SPEG: variants seen among roughly 807,000 people sequenced by gnomAD.
SPEG encodes striated muscle preferentially expressed protein kinase.
In SPEG, 114 loss-of-function variants were observed where a neutral mutation model predicts 300.4. The observed-to-expected ratio is 0.38, with a 90% CI of 0.33 to 0.44. The LOEUF (loss-of-function observed/expected upper bound fraction) is 0.44, where lower values mean the gene tolerates loss of function less well. Ranked by LOEUF, SPEG falls within the 20% of genes least tolerant of loss-of-function variation. The pLI, the probability that SPEG is intolerant of heterozygous loss-of-function variation, is 1.00. For missense variants in SPEG, 4,201 were observed against 4,586.2 expected, an observed-to-expected ratio of 0.92 and a Z score of 2.43; for synonymous variants, 1,964 against 2,018.9, an observed-to-expected ratio of 0.97 and a Z score of 0.73.
Position 219,451,058 on chromosome 2 carries a change from G to A in SPEG, c.2114-78G>A, listed in dbSNP as rs2125304216. 2 of 1,421,650 alleles carry A rather than the reference G, an allele frequency of 1.4e-6. No homozygotes were observed. The highest frequency in any genetic ancestry group is 1.9e-6 in the Non-Finnish European group (2 of 1,076,228). The allele number at this position is 1,421,650 out of a possible 1,614,324, so 88.1% of individuals were successfully genotyped here. Reference sequence around the variant, plus strand: ...TCTGGGTTTGGCTTTCTAGGATGCAGGCCACCAGGACTCTCTCTCCCGCTG... The same window carrying A: ...TCTGGGTTTGGCTTTCTAGGATGCAAGCCACCAGGACTCTCTCTCCCGCTG... On this transcript the variant is annotated intron_variant, in intron 4 of 40. Transcript: ENST00000312358. The surrounding 1 kb of genome is among the most constrained non-coding windows in gnomAD (Gnocchi z 6.4).
In SPEG at chr2:219,435,048, C is replaced by A. The variant is rs755982216; in HGVS notation, c.71C>A (p.Pro24Gln). ...GCACCCCCCAGCCCCGGAGTGCCCCCGAAAAGGGCCAAGGTGGGGGCCGGC... is the reference window on the plus strand; with the variant it reads ...GCACCCCCCAGCCCCGGAGTGCCCCAGAAAAGGGCCAAGGTGGGGGCCGGC... ...TRAPPSPGVP[P>Q]KRAKVGAGGG... Residue 24 changes from proline to glutamine, a missense_variant, in exon 1 of 41, where the codon CCG becomes CAG. Pro to Gln is a moderately conservative substitution (Grantham distance 76, BLOSUM62 -1). This residue lies in a region of SPEG where 1,258 missense variants were observed against 1,293.9 expected (regional missense o/e 0.97). Transcript: ENST00000312358. 2.6e-5 allele frequency: 39 copies of A among 1,492,006 alleles called. No homozygotes were observed. Among genetic ancestry groups the A allele is most frequent in the Middle Eastern group, 4.6e-4 (2 of 4,320 alleles). 92.4% of individuals were successfully genotyped at this position (1,492,006 alleles called of 1,614,324 possible).
rs146926324 is a variant in SPEG at position 219,473,214 on chromosome 2, C to T, written c.4147+118C>T. The T allele has an allele frequency of 3.8e-4, 390 of 1,025,374 alleles. 5 individuals carry two copies. In the African/African-American group the frequency reaches 5.6e-3, roughly 15 times the overall value. The allele number at this position is 1,025,374 out of a possible 1,614,324, so 63.5% of individuals were successfully genotyped here. On this transcript the variant is annotated intron_variant, in intron 16 of 40. Coordinates refer to ENST00000312358, the MANE Select transcript of SPEG (RefSeq NM_005876.5). This position sits in a 1 kb window ranked among gnomAD's most constrained non-coding sequence, Gnocchi z 4.6. ...TGGTAACTGGCAGGAGCAGCCTAGC[C>T]GGGCGGGACCTTGGCCCATCTGTAC... is the stretch of plus-strand genomic sequence containing the variant.
rs1020048423 is a variant in SPEG at position 219,481,420 on chromosome 2, G to A, written c.5486G>A (p.Arg1829Gln). ...TTFLSLSREARGFLIKVLVQD... is the reference protein window; with the variant it reads ...TTFLSLSREAQGFLIKVLVQD... Reference sequence around the variant, plus strand: ...TTCCTGAGCCTGAGCAGGGAGGCCCGGGGCTTCCTCATCAAAGTGTTGGTG... The same window carrying A: ...TTCCTGAGCCTGAGCAGGGAGGCCCAGGGCTTCCTCATCAAAGTGTTGGTG... Residue 1829 changes from arginine to glutamine, a missense_variant, in exon 27 of 41, where the codon CGG (arginine) becomes CAG (glutamine). Physicochemically the swap from Arg to Gln is conservative, Grantham distance 43 (BLOSUM62 1). Around this residue, in one of 4 missense-constraint regions of SPEG, gnomAD observed 1,047 missense variants for 1,356.8 expected, o/e 0.77. Transcript: ENST00000312358. This position sits in a 1 kb window ranked among gnomAD's most constrained non-coding sequence, Gnocchi z 5.4. 1.7e-5 allele frequency: 27 copies of A among 1,614,008 alleles called. No individual in the cohort carries two copies. Among genetic ancestry groups the A allele is most frequent in the South Asian group, 3.3e-5 (3 of 91,088 alleles).
chr2:219,462,124 T>C lies in SPEG; in HGVS notation c.2616+67T>C, dbSNP rs570588249. ...CGTTCCTTTGGGTGCCCCCTTGTTC[T>C]TGGGGCCATGCCTAGGCAACATCAA... On this transcript the variant is annotated intron_variant, in intron 7 of 40. Coordinates refer to ENST00000312358, the MANE Select transcript of SPEG (RefSeq NM_005876.5). The C allele has an allele frequency of 4.0e-3, 5,353 of 1,330,912 alleles. 11 individuals are homozygous for C. Among genetic ancestry groups the C allele is most frequent in the Non-Finnish European group, 5.1e-3 (4,962 of 965,212 alleles). 82.4% of individuals were successfully genotyped at this position (1,330,912 alleles called of 1,614,324 possible).
chr2:219,449,001 G>A lies in SPEG; in HGVS notation c.1843G>A (p.Ala615Thr). ...QECRSPVPPPAADPPEARTKA... is the reference protein window; with the variant it reads ...QECRSPVPPPTADPPEARTKA... ...GTGCAGGAGCCCTGTGCCGCCCCCC[G>A]CCGCCGATCCCCCAGAGGCCAGGAC... Residue 615 changes from alanine (A) to threonine (T), a missense_variant, in exon 4 of 41, where the codon GCC becomes ACC. By Grantham distance (58) the Ala-to-Thr change is moderately conservative. Around this residue, in one of 4 missense-constraint regions of SPEG, gnomAD observed 1,258 missense variants for 1,293.9 expected, o/e 0.97. Coordinates refer to ENST00000312358, the MANE Select transcript of SPEG (RefSeq NM_005876.5). 5.4e-6 allele frequency: 8 copies of A among 1,479,316 alleles called. No homozygotes were observed. Among genetic ancestry groups the A allele is most frequent in the African/African-American group, 1.5e-5 (1 of 67,378 alleles). 91.6% of individuals were successfully genotyped at this position (1,479,316 alleles called of 1,614,324 possible). A position where few individuals can be genotyped will look rare whatever the true frequency, so the allele number is the denominator to read the frequency against.
rs1243369524 is a variant in SPEG, at chr2:219,488,550, T to C, written c.7911T>C (p.Asp2637=). 6.2e-7 allele frequency: 1 copy of C among 1,609,502 alleles called. No individual in the cohort carries two copies. Among genetic ancestry groups the C allele is most frequent in the South Asian group, 1.1e-5 (1 of 90,566 alleles). The stretch of plus-strand genomic sequence containing the variant: ...CAGTGATCATCGTGTCCTGCAAAGA[T>C]GGGCGGCAGCTGCTCAGCATCCCCC... ...EPSVIIVSCK[D]GRQLLSIPRA... The change falls in exon 33 of 41, where the codon GAT becomes GAC. Residue 2637 remains aspartate (D), a synonymous_variant. Coordinates refer to ENST00000312358, the MANE Select transcript of SPEG (RefSeq NM_005876.5).
At position 219,472,045 on chromosome 2, in the gene SPEG, G is replaced by A. The variant is rs1691923576; in HGVS notation, c.3835+58G>A. On this transcript the variant is annotated intron_variant, in intron 14 of 40. Coordinates refer to ENST00000312358, the MANE Select transcript of SPEG (RefSeq NM_005876.5). ...CACAGCCTGGCCTCTGGCACTACGTGGGGGCTCAGGGAAAGGGGCCTCCAC... is the reference window on the plus strand; with the variant it reads ...CACAGCCTGGCCTCTGGCACTACGTAGGGGCTCAGGGAAAGGGGCCTCCAC... 9 of 1,595,816 alleles carry A rather than the reference G, an allele frequency of 5.6e-6. No individual in the cohort carries two copies. The East Asian group carries it at 2.0e-4, about 36-fold the overall frequency.
rs1233413758 is a variant in SPEG at position 219,471,992 on chromosome 2, G to A, written c.3835+5G>A. On this transcript the variant is annotated splice_donor_5th_base_variant and intron_variant, in intron 14 of 40. Transcript: ENST00000312358. ...ATGCCCACCTGTATGTCACAGGTGA[G>A]GCAGGCACCCTCGTGGTCAGCTGCA... The A allele has an allele frequency of 3.1e-6, 5 of 1,611,316 alleles. No homozygotes were observed. The highest frequency in any genetic ancestry group is 4.2e-6 in the Non-Finnish European group (5 of 1,179,918).
chr2:219,452,624 C>T (rs1689851978), intron 6 of SPEG, among the ~76,000 whole-genome samples: 1 of 151,778 alleles, frequency 6.6e-6, no homozygotes, highest in African/African-American at 2.4e-5. Context: ...GGTTGGGGGA[C>T]AGTGCGGAGC....
rs1694037649 is a variant in SPEG at position 219,492,198 on chromosome 2, G to A, written c.9549G>A (p.Leu3183=). ...IVGGRFDAFQ[L]YPNTSQSATL... is the part of the protein sequence containing the mutation. ...GGGGCCGCTTTGATGCCTTCCAGCT[G>A]TACCCCAATACATCCCAGAGCGCCA... The change falls in exon 40 of 41, where the codon CTG becomes CTA. Residue 3183 remains leucine (L), a synonymous_variant. Coordinates refer to ENST00000312358, the MANE Select transcript of SPEG (RefSeq NM_005876.5). The A allele has an allele frequency of 1.2e-6, 2 of 1,613,764 alleles. No homozygotes were observed. The highest frequency in any genetic ancestry group is 1.3e-5 in the African/African-American group (1 of 75,028).
At chr2:219,465,824 C>T (rs192941620) in intron 9 of SPEG, 12 of 601,658 alleles carry the variant, frequency 2.0e-5, no homozygotes, top group Non-Finnish European at 2.7e-5. Flanking sequence ...CGTGTGCGTG[C>T]GCATGCGTGC....
chr2:219,456,492 T>G (rs1200372559), intron 6 of SPEG, among the ~76,000 whole-genome samples: 1 of 152,196 alleles, frequency 6.6e-6, no homozygotes, highest in Non-Finnish European at 1.5e-5. Context: ...ACAGGTGGCC[T>G]CCCCGAAGCT....
chr2:219,448,458 C>T lies in SPEG; in HGVS notation c.1300C>T (p.Arg434Cys), dbSNP rs748467065. The T allele has an allele frequency of 1.7e-5, 25 of 1,504,838 alleles. No individual in the cohort carries two copies. The highest frequency in any genetic ancestry group is 2.1e-5 in the Non-Finnish European group (24 of 1,136,106). The allele number at this position is 1,504,838 out of a possible 1,614,324, so 93.2% of individuals were successfully genotyped here. Residue 434 changes from arginine (R) to cysteine (C), a missense_variant, in exon 4 of 41, where the codon CGC (arginine) becomes TGC (cysteine). By Grantham distance (180) the Arg-to-Cys change is radical (BLOSUM62 -3). Around this residue, in one of 4 missense-constraint regions of SPEG, gnomAD observed 1,258 missense variants for 1,293.9 expected, o/e 0.97. Coordinates refer to ENST00000312358, the MANE Select transcript of SPEG (RefSeq NM_005876.5). ...GCCCTGGGTGCCCCTGCGCAAGGCCCGCTCTCTGGAGCAGCCCAAGTCGGA... is the reference window on the plus strand; with the variant it reads ...GCCCTGGGTGCCCCTGCGCAAGGCCTGCTCTCTGGAGCAGCCCAAGTCGGA... ...LRPWVPLRKARSLEQPKSERG... is the reference protein window; with the variant it reads ...LRPWVPLRKACSLEQPKSERG...
At chr2:219,457,845 C>T (rs138650596) in intron 6 of SPEG, among the ~76,000 whole-genome samples, 4 of 152,316 alleles carry the variant, frequency 2.6e-5, no homozygotes, top group East Asian at 1.9e-4. Flanking sequence ...CAAACTTTTC[C>T]GCATGCACTT....
In SPEG at chr2:219,439,175, G is replaced by A. The variant is rs1954793129; in HGVS notation, c.388+3810G>A. On this transcript the variant is annotated intron_variant, in intron 1 of 40. Transcript: ENST00000312358. The surrounding 1 kb of genome is among the most constrained non-coding windows in gnomAD (Gnocchi z 4.5). ...ACAGAATATGGGTTAGGACAGAGAA[G>A]GGGGAAGGCTGGATGAGTGGAAGCC... 1.3e-5 allele frequency among the ~76,000 whole-genome samples: 2 copies of A among 152,236 alleles called. No homozygotes were observed. Among genetic ancestry groups the A allele is most frequent in the South Asian group, 2.1e-4 (1 of 4,818 alleles).
In SPEG at chr2:219,469,148, T is replaced by G; in HGVS notation, c.3492-8T>G. 6.2e-7 allele frequency: 1 copy of G among 1,613,418 alleles called. No homozygotes were observed. Among genetic ancestry groups the G allele is most frequent in the Non-Finnish European group, 8.5e-7 (1 of 1,179,762 alleles). ...CCTGGGCCTGTGGGCAGCTGTGTGG[T>G]CTTGCAGCTCGAAGCTGGAGAAGAT... On this transcript the variant is annotated splice_region_variant and splice_polypyrimidine_tract_variant and intron_variant, in intron 12 of 40. Transcript: ENST00000312358.
At position 219,444,922 on chromosome 2, in the gene SPEG, G is replaced by A. The variant is rs1264146839; in HGVS notation, c.576G>A (p.Gln192=). 2 of 1,579,130 alleles carry A rather than the reference G, an allele frequency of 1.3e-6. No homozygotes were observed. Among genetic ancestry groups the A allele is most frequent in the African/African-American group, 1.3e-5 (1 of 74,366 alleles). Reference sequence around the variant, plus strand: ...AAGTGAGCTGGTGGGGCAGCGGGCAGACGGTCCTGGAGCAGGAAGCGGGCA... The same window carrying A: ...AAGTGAGCTGGTGGGGCAGCGGGCAAACGGTCCTGGAGCAGGAAGCGGGCA... ...EEQVSWWGSG[Q]TVLEQEAGSG... is the part of the protein sequence containing the mutation. Residue 192 remains glutamine (Q), a synonymous_variant, in exon 3 of 41, where the codon CAG becomes CAA. Transcript: ENST00000312358. The surrounding 1 kb of genome is among the most constrained non-coding windows in gnomAD (Gnocchi z 7.8).
Position 219,484,983 on chromosome 2 carries a change from C to T in SPEG, c.7520C>T (p.Pro2507Leu). The change falls in exon 30 of 41, where the codon CCG becomes CTG. Residue 2507 changes from proline to leucine, a missense_variant. Physicochemically the swap from Pro to Leu is moderately conservative, Grantham distance 98. Transcript: ENST00000312358. ...EGESLRRLGLPHNQLAAQAGA... is the reference protein window; with the variant it reads ...EGESLRRLGLLHNQLAAQAGA... ...GAGAGTCTGCGGCGCCTTGGCCTTC[C>T]GCACAACCAGTTGGCCGCCCAGGCC... The T allele has an allele frequency of 2.0e-6, 3 of 1,530,946 alleles. No individual in the cohort carries two copies. The highest frequency in any genetic ancestry group is 2.6e-6 in the Non-Finnish European group (3 of 1,144,992). 94.8% of individuals were successfully genotyped at this position (1,530,946 alleles called of 1,614,324 possible). A position where few individuals can be genotyped will look rare whatever the true frequency, so the allele number is the denominator to read the frequency against.
Position 219,491,860 on chromosome 2 carries a change from C to T in SPEG, c.9452C>T (p.Thr3151Ile), listed in dbSNP as rs1559438010. Residue 3151 changes from threonine (T) to isoleucine (I), a missense_variant, in exon 39 of 41, where the codon ACT becomes ATT. Thr to Ile is a moderately conservative substitution (Grantham distance 89). Coordinates refer to ENST00000312358, the MANE Select transcript of SPEG (RefSeq NM_005876.5). ...ATDIWGAGVLTYIMLSGRSPF... is the reference protein window; with the variant it reads ...ATDIWGAGVLIYIMLSGRSPF... ...GACATCTGGGGAGCGGGTGTGCTCA[C>T]TTACATTATGTGAGTGTCCCCTACC... The T allele has an allele frequency of 6.2e-7, 1 of 1,608,722 alleles. No individual in the cohort carries two copies. Among genetic ancestry groups the T allele is most frequent in the Non-Finnish European group, 8.5e-7 (1 of 1,177,096 alleles).
Sources: gnomAD v4.1 joint callset for allele counts (sites outside exome capture counted in the v4.1 genomes callset) on GRCh38, gnomAD v4.1.1 for gene constraint, gnomAD v4.1.1 regional missense constraint, Gnocchi (gnomAD v3.1) non-coding constraint, MANE v1.5 for transcripts, NCBI Gene and HGNC (gene_info 2026-07-23, HGNC 2026-07-21) for gene names.